The following KRTAP9-2 variants were observed in gnomAD, a reference collection of about 807,000 sequenced individuals.
The protein encoded by KRTAP9-2 is keratin associated protein 9-2, also known as keratin-associated protein 9-2.
KRTAP9-2 carries 12 observed loss-of-function variants against 14.1 expected under a neutral mutation model. The observed-to-expected ratio is 0.85, with a 90% CI of 0.55 to 1.38. KRTAP9-2 has a LOEUF of 1.38. KRTAP9-2 is among the 40% of genes most tolerant of loss of function. The pLI is 0.00. For synonymous variants in KRTAP9-2, 72 were observed against 79.5 expected, an observed-to-expected ratio of 0.91 and a Z score of 0.50; for missense variants, 185 against 216.3, an observed-to-expected ratio of 0.86 and a Z score of 0.91.
chr17:41,227,230 G>A lies in KRTAP9-2; in HGVS notation c.*51G>A, dbSNP rs1428326609. 6.8e-7 allele frequency: 1 copy of A among 1,467,318 alleles called. No individual in the cohort carries two copies. The allele number at this position is 1,467,318 out of a possible 1,614,324, so 90.9% of individuals were successfully genotyped here. On this transcript the variant is annotated 3_prime_UTR_variant, in exon 1 of 1. Transcript: ENST00000377721. ...TCACACAACAAATTTCTGCTCAACT[G>A]ACTCATCTTTTGGGGGACTAATTTA...
At position 41,227,591 on chromosome 17, in the gene KRTAP9-2, C is replaced by T. The variant is rs2015787991; in HGVS notation, c.*412C>T. The T allele has an allele frequency of 7.1e-5, 7 of 98,634 alleles. No homozygotes were observed. Among genetic ancestry groups the T allele is most frequent in the South Asian group, 5.2e-4 (6 of 11,486 alleles). 6.1% of individuals were successfully genotyped at this position (98,634 alleles called of 1,614,324 possible). On this transcript the variant is annotated 3_prime_UTR_variant, in exon 1 of 1. Coordinates refer to ENST00000377721, the MANE Select transcript of KRTAP9-2 (RefSeq NM_031961.3). ...TTTTCATGATAAATTTGTGTTGTGTCCCTGGTAGCAGAAATCCTTACCTAT... is the reference window on the plus strand; with the variant it reads ...TTTTCATGATAAATTTGTGTTGTGTTCCTGGTAGCAGAAATCCTTACCTAT...
At position 41,227,019 on chromosome 17, in the gene KRTAP9-2, A is replaced by G. The variant is rs1414646945; in HGVS notation, c.365A>G (p.Tyr122Cys). Residue 122 changes from tyrosine to cysteine, a missense_variant, in exon 1 of 1, where the codon TAC becomes TGC. Physicochemically the swap from Tyr to Cys is radical, Grantham distance 194. Transcript: ENST00000377721. ...GTGTACTGCAGAAGAACCTGCTACT[A>G]CCCCACGACTGTCTGCCTGCCTGGT... Reference protein sequence around the residue: ...APVYCRRTCYYPTTVCLPGCL... With the variant: ...APVYCRRTCYCPTTVCLPGCL... The G allele has an allele frequency of 1.2e-6, 2 of 1,611,268 alleles. No individual in the cohort carries two copies. Among genetic ancestry groups the G allele is most frequent in the Non-Finnish European group, 1.7e-6 (2 of 1,179,536 alleles).
Position 41,227,294 on chromosome 17 carries a change from T to C in KRTAP9-2, c.*115T>C. On this transcript the variant is annotated 3_prime_UTR_variant, in exon 1 of 1. Coordinates refer to ENST00000377721, the MANE Select transcript of KRTAP9-2 (RefSeq NM_031961.3). ...AGCCACCATGCTCTCACCCAAATTT[T>C]TATGAATTCTCTACATGTTTAAAAT... 1 of 794,972 alleles carries C rather than the reference T, an allele frequency of 1.3e-6. No individual in the cohort carries two copies. The highest frequency in any genetic ancestry group is 1.9e-6 in the Non-Finnish European group (1 of 533,804). The allele number at this position is 794,972 out of a possible 1,614,324, so 49.2% of individuals were successfully genotyped here.
Position 41,227,097 on chromosome 17 carries a change from C to A in KRTAP9-2, c.443C>A (p.Ala148Asp). The A allele has an allele frequency of 4.3e-6, 7 of 1,611,304 alleles. No individual in the cohort carries two copies. Among genetic ancestry groups the A allele is most frequent in the Non-Finnish European group, 5.9e-6 (7 of 1,179,364 alleles). ...TGCTGCCAGCCCTGCTGCCGCCCAGCCTGCTGTGAGACCACCTGCTGCAGG... is the reference window on the plus strand; with the variant it reads ...TGCTGCCAGCCCTGCTGCCGCCCAGACTGCTGTGAGACCACCTGCTGCAGG... ...SNCCQPCCRPACCETTCCRTT... is the reference protein window; with the variant it reads ...SNCCQPCCRPDCCETTCCRTT... Residue 148 changes from alanine to aspartate, a missense_variant, in exon 1 of 1, where the codon GCC (alanine) becomes GAC (aspartate). This residue lies in a region of KRTAP9-2 where 164 missense variants were observed against 168.3 expected (regional missense o/e 0.97). Transcript: ENST00000377721.
rs1598035483 is a variant in KRTAP9-2 at position 41,226,936 on chromosome 17, C to T, written c.282C>T (p.Ser94=). The T allele has an allele frequency of 6.2e-7, 1 of 1,611,338 alleles. No homozygotes were observed. Among genetic ancestry groups the T allele is most frequent in the African/African-American group, 1.3e-5 (1 of 74,854 alleles). Residue 94 remains serine, a synonymous_variant, in exon 1 of 1, where the codon AGC becomes AGT. Transcript: ENST00000377721. ...PCCQPTCCGS[S]CCGQTSCGSS... is the part of the protein sequence containing the mutation. ...GCCAGCCCACCTGCTGTGGGTCCAG[C>T]TGCTGTGGCCAAACCAGCTGTGGGT...
chr17:41,227,137 G>T lies in KRTAP9-2; in HGVS notation c.483G>T (p.Gln161His). 1 of 1,608,218 alleles carries T rather than the reference G, an allele frequency of 6.2e-7. No individual in the cohort carries two copies. The highest frequency in any genetic ancestry group is 8.5e-7 in the Non-Finnish European group (1 of 1,178,582). The change falls in exon 1 of 1, where the codon CAG (glutamine) becomes CAT (histidine). Residue 161 changes from glutamine (Q) to histidine (H), a missense_variant. Physicochemically the swap from Gln to His is conservative, Grantham distance 24 (BLOSUM62 0). This residue lies in a region of KRTAP9-2 where 164 missense variants were observed against 168.3 expected (regional missense o/e 0.97). Coordinates refer to ENST00000377721, the MANE Select transcript of KRTAP9-2 (RefSeq NM_031961.3). Reference sequence around the variant, plus strand: ...CCTGCTGCAGGACCACTTGCTTCCAGCCCACCTGTGTGTCCAGCTGCTGCC... The same window carrying T: ...CCTGCTGCAGGACCACTTGCTTCCATCCCACCTGTGTGTCCAGCTGCTGCC... ...ETTCCRTTCF[Q>H]PTCVSSCCQP...
rs764919402 is a variant in KRTAP9-2, at chr17:41,227,173, C to T, written c.519C>T (p.Cys173=). 1.9e-6 allele frequency: 3 copies of T among 1,600,378 alleles called. No homozygotes were observed. The highest frequency in any genetic ancestry group is 2.6e-6 in the Non-Finnish European group (3 of 1,174,044). The part of the protein sequence containing the change: ...TCVSSCCQPS[C]C ...TGTCCAGCTGCTGCCAGCCTTCTTG[C>T]TGCTGATCACGTTCCAAGAGAACCA... is the stretch of plus-strand genomic sequence containing the variant. Residue 173 remains cysteine (C), a synonymous_variant, in exon 1 of 1, where the codon TGC becomes TGT. Transcript: ENST00000377721.
At position 41,226,812 on chromosome 17, in the gene KRTAP9-2, G is replaced by C. The variant is rs140426018; in HGVS notation, c.158G>C (p.Arg53Pro). ...TCCAGCTGCTGCCAGCCTTGCTGCC[G>C]CCCAACTTGCTGTCAAAACACCTGC... ...CVSSCCQPCCRPTCCQNTCCR... is the reference protein window; with the variant it reads ...CVSSCCQPCCPPTCCQNTCCR... The change falls in exon 1 of 1, where the codon CGC becomes CCC. Residue 53 changes from arginine to proline, a missense_variant. Physicochemically the swap from Arg to Pro is moderately radical, Grantham distance 103. Transcript: ENST00000377721. 1 of 1,504,674 alleles carries C rather than the reference G, an allele frequency of 6.6e-7. No individual in the cohort carries two copies. Among genetic ancestry groups the C allele is most frequent in the African/African-American group, 1.4e-5 (1 of 71,900 alleles). The allele number at this position is 1,504,674 out of a possible 1,614,324, so 93.2% of individuals were successfully genotyped here.
In KRTAP9-2 at chr17:41,226,834, C is replaced by A. The variant is rs533247129; in HGVS notation, c.180C>A (p.Thr60=). 1.3e-4 allele frequency: 201 copies of A among 1,506,006 alleles called. No homozygotes were observed. Among genetic ancestry groups the A allele is most frequent in the Admixed American group, 1.8e-4 (9 of 49,706 alleles). 93.3% of individuals were successfully genotyped at this position (1,506,006 alleles called of 1,614,324 possible). Residue 60 remains threonine (T), a synonymous_variant, in exon 1 of 1, where the codon ACC becomes ACA. Coordinates refer to ENST00000377721, the MANE Select transcript of KRTAP9-2 (RefSeq NM_031961.3). ...PCCRPTCCQN[T]CCRTTCCQPT... is the part of the protein sequence containing the mutation. ...GCCGCCCAACTTGCTGTCAAAACACCTGCTGTAGGACCACCTGCTGCCAGC... is the reference window on the plus strand; with the variant it reads ...GCCGCCCAACTTGCTGTCAAAACACATGCTGTAGGACCACCTGCTGCCAGC...
In KRTAP9-2 at chr17:41,227,328, T is replaced by C. The variant is rs1228558451; in HGVS notation, c.*149T>C. On this transcript the variant is annotated 3_prime_UTR_variant, in exon 1 of 1. Coordinates refer to ENST00000377721, the MANE Select transcript of KRTAP9-2 (RefSeq NM_031961.3). ...CTCTACATGTTTAAAATCTTGGAAA[T>C]CTGCTTGAGGGAGGGCAGAATACTT... The C allele has an allele frequency of 1.6e-6, 1 of 612,386 alleles. No homozygotes were observed. Among genetic ancestry groups the C allele is most frequent in the Admixed American group, 4.0e-5 (1 of 24,942 alleles). The allele number at this position is 612,386 out of a possible 1,614,324, so 37.9% of individuals were successfully genotyped here.
Position 41,226,765 on chromosome 17 carries a change from C to T in KRTAP9-2, c.111C>T (p.Cys37=), listed in dbSNP as rs202149451. 2 of 1,518,636 alleles carry T rather than the reference C, an allele frequency of 1.3e-6. No individual in the cohort carries two copies. The highest frequency in any genetic ancestry group is 2.8e-5 in the African/African-American group (2 of 72,336). The allele number at this position is 1,518,636 out of a possible 1,614,324, so 94.1% of individuals were successfully genotyped here. A position where few individuals can be genotyped will look rare whatever the true frequency, so the allele number is the denominator to read the frequency against. ...TGACCACCTGCAGCAGCACACCCTG[C>T]TGCCAGCCCGCCTGCTGTGTGTCCA... is the stretch of plus-strand genomic sequence containing the variant. ...TTVTTCSSTP[C]CQPACCVSSC... The change falls in exon 1 of 1, where the codon TGC becomes TGT. Residue 37 remains cysteine (C), a synonymous_variant. Coordinates refer to ENST00000377721, the MANE Select transcript of KRTAP9-2 (RefSeq NM_031961.3).
rs1017516016 is a variant in KRTAP9-2 at position 41,227,200 on chromosome 17, C to T, written c.*21C>T. 10 of 1,567,130 alleles carry T rather than the reference C, an allele frequency of 6.4e-6. No individual in the cohort carries two copies. In the African/African-American group the frequency reaches 1.3e-4, roughly 20 times the overall value. Reference sequence around the variant, plus strand: ...GCTGATCACGTTCCAAGAGAACCACCATCCTCACACAACAAATTTCTGCTC... The same window carrying T: ...GCTGATCACGTTCCAAGAGAACCACTATCCTCACACAACAAATTTCTGCTC... On this transcript the variant is annotated 3_prime_UTR_variant, in exon 1 of 1. Transcript: ENST00000377721.
Position 41,227,053 on chromosome 17 carries a change from C to A in KRTAP9-2, c.399C>A (p.Asn133Lys), listed in dbSNP as rs778836839. The change falls in exon 1 of 1, where the codon AAC becomes AAA. Residue 133 changes from asparagine (N) to lysine (K), a missense_variant. Physicochemically the swap from Asn to Lys is moderately conservative, Grantham distance 94. Coordinates refer to ENST00000377721, the MANE Select transcript of KRTAP9-2 (RefSeq NM_031961.3). Reference sequence around the variant, plus strand: ...CTGTCTGCCTGCCTGGTTGCCTAAACCAGAGCTGTGGCTCCAACTGCTGCC... The same window carrying A: ...CTGTCTGCCTGCCTGGTTGCCTAAAACAGAGCTGTGGCTCCAACTGCTGCC... ...PTTVCLPGCL[N>K]QSCGSNCCQP... is the part of the protein sequence containing the mutation. The A allele has an allele frequency of 6.2e-7, 1 of 1,613,342 alleles. No homozygotes were observed. Among genetic ancestry groups the A allele is most frequent in the Non-Finnish European group, 8.5e-7 (1 of 1,179,866 alleles).
At position 41,226,944 on chromosome 17, in the gene KRTAP9-2, G is replaced by T; in HGVS notation, c.290G>T (p.Gly97Val). Residue 97 changes from glycine (G) to valine (V), a missense_variant, in exon 1 of 1, where the codon GGC becomes GTC. By Grantham distance (109) the Gly-to-Val change is moderately radical. Around this residue, in one of 2 missense-constraint regions of KRTAP9-2, gnomAD observed 164 missense variants for 168.3 expected, o/e 0.97. Transcript: ENST00000377721. ...QPTCCGSSCC[G>V]QTSCGSSCGQ... is the part of the protein sequence containing the mutation. Reference sequence around the variant, plus strand: ...ACCTGCTGTGGGTCCAGCTGCTGTGGCCAAACCAGCTGTGGGTCCAGCTGT... The same window carrying T: ...ACCTGCTGTGGGTCCAGCTGCTGTGTCCAAACCAGCTGTGGGTCCAGCTGT... The T allele has an allele frequency of 6.2e-7, 1 of 1,608,978 alleles. No homozygotes were observed. The highest frequency in any genetic ancestry group is 8.5e-7 in the Non-Finnish European group (1 of 1,179,654).
Position 41,227,451 on chromosome 17 carries a change from A to G in KRTAP9-2, c.*272A>G. Reference sequence around the variant, plus strand: ...GGTCTCAGCTTTGACTCTAAAGTCAAGAGCTTCATTCCCTGCTTCTAAGGA... The same window carrying G: ...GGTCTCAGCTTTGACTCTAAAGTCAGGAGCTTCATTCCCTGCTTCTAAGGA... On this transcript the variant is annotated 3_prime_UTR_variant, in exon 1 of 1. Transcript: ENST00000377721. 3 of 344,032 alleles carry G rather than the reference A, an allele frequency of 8.7e-6. No homozygotes were observed. The highest frequency in any genetic ancestry group is 1.4e-5 in the Non-Finnish European group (3 of 207,948). 21.3% of individuals were successfully genotyped at this position (344,032 alleles called of 1,614,324 possible).
At position 41,226,818 on chromosome 17, in the gene KRTAP9-2, C is replaced by A. The variant is rs1322519197; in HGVS notation, c.164C>A (p.Thr55Asn). The A allele has an allele frequency of 2.0e-6, 3 of 1,505,498 alleles. No individual in the cohort carries two copies. In the South Asian group the frequency reaches 3.9e-5, roughly 19 times the overall value. 93.3% of individuals were successfully genotyped at this position (1,505,498 alleles called of 1,614,324 possible). ...TGCTGCCAGCCTTGCTGCCGCCCAA[C>A]TTGCTGTCAAAACACCTGCTGTAGG... is the stretch of plus-strand genomic sequence containing the variant. ...SSCCQPCCRP[T>N]CCQNTCCRTT... Residue 55 changes from threonine (T) to asparagine (N), a missense_variant, in exon 1 of 1, where the codon ACT (threonine) becomes AAT (asparagine). By Grantham distance (65) the Thr-to-Asn change is moderately conservative. Coordinates refer to ENST00000377721, the MANE Select transcript of KRTAP9-2 (RefSeq NM_031961.3).
In KRTAP9-2 at chr17:41,227,645, T is replaced by C. The variant is rs1299292692; in HGVS notation, c.*466T>C. On this transcript the variant is annotated 3_prime_UTR_variant, in exon 1 of 1. Coordinates refer to ENST00000377721, the MANE Select transcript of KRTAP9-2 (RefSeq NM_031961.3). ...TTTCTGAATAAATTCTGAACCATCC[T>C]CATCTCATATAGTGTTTTGTTTTAT... 92 of 90,108 alleles carry C rather than the reference T, an allele frequency of 1.0e-3. 3 individuals carry two copies. The highest frequency in any genetic ancestry group is 9.8e-3 in the African/African-American group (86 of 8,764). 5.6% of individuals were successfully genotyped at this position (90,108 alleles called of 1,614,324 possible).
rs767374551 is a variant in KRTAP9-2 at position 41,226,671 on chromosome 17, C to A, written c.17C>A (p.Ser6Tyr). Residue 6 changes from serine to tyrosine, a missense_variant, in exon 1 of 1, where the codon TCC becomes TAC. Coordinates refer to ENST00000377721, the MANE Select transcript of KRTAP9-2 (RefSeq NM_031961.3). MTHCC[S>Y]PCCQPTCCRT... is the part of the protein sequence containing the mutation. ...CCTGACACCATGACCCACTGTTGCT[C>A]CCCTTGCTGTCAGCCTACCTGCTGC... The A allele has an allele frequency of 6.2e-7, 1 of 1,612,070 alleles. No homozygotes were observed. The highest frequency in any genetic ancestry group is 1.1e-5 in the South Asian group (1 of 90,966).
Position 41,226,747 on chromosome 17 carries a change from C to A in KRTAP9-2, c.93C>A (p.Thr31=). 6.3e-7 allele frequency: 1 copy of A among 1,599,852 alleles called. No individual in the cohort carries two copies. The highest frequency in any genetic ancestry group is 1.1e-5 in the South Asian group (1 of 90,526). The change falls in exon 1 of 1, where the codon ACC becomes ACA. Residue 31 remains threonine, a synonymous_variant. Transcript: ENST00000377721. ...GCTGGAAGCCCACCACTGTGACCAC[C>A]TGCAGCAGCACACCCTGCTGCCAGC... The part of the protein sequence containing the change: ...TTCWKPTTVT[T]CSSTPCCQPA...
Sources: allele counts gnomAD v4.1 joint callset, GRCh38; gene constraint gnomAD v4.1.1; regional missense constraint gnomAD v4.1.1; transcripts MANE v1.5; gene names NCBI Gene and HGNC (gene_info 2026-07-23, HGNC 2026-07-21).